Variants in RTN3 observed in about 807,000 individuals in gnomAD.
The protein encoded by RTN3 is reticulon 3.
A neutral mutation model predicts 77.8 loss-of-function variants in RTN3; 49 were observed. The ratio of observed to expected loss-of-function variants is 0.63; its 90% CI spans 0.50 to 0.80. The LOEUF (loss-of-function observed/expected upper bound fraction) is 0.80. Among genes scored for constraint, RTN3 ranks in the 30% least tolerant of loss-of-function variants. RTN3 has a pLI of 0.00. For synonymous variants in RTN3, 464 were observed against 446.9 expected (o/e 1.04, Z -0.48); for missense variants, 1,236 against 1,211.9 (o/e 1.02, Z -0.29).
intron 8 of RTN3, among the ~76,000 whole-genome samples, chr11:63,757,425 T>G: frequency 6.6e-6 from 1 of 152,026 alleles, no homozygotes; most frequent in East Asian, 1.9e-4. Context: ...AGCTGAAAGC[T>G]CACTGCAGCC....
Position 63,717,375 on chromosome 11 carries a change from CTTTTTTTTT to C in RTN3, c.200-1308_200-1300del, listed in dbSNP as rs1187530525. Among the ~76,000 whole-genome samples the C allele has an allele frequency of 3.5e-3, 266 of 75,190 alleles. 4 individuals are homozygous for C. Among genetic ancestry groups the C allele is most frequent in the Non-Finnish European group, 5.2e-3 (197 of 38,064 alleles). The allele number at this position is 75,190 out of a possible 152,430, so 49.3% of individuals were successfully genotyped here. ...AAAGTAATTCTGGAGTTAACTCTGT[CTTTTTTTTT>C]TTTTTTTTTTTTTTTTTTGAGACAG... On this transcript the variant is annotated intron_variant, in intron 2 of 8. Transcript: ENST00000377819.
At chr11:63,705,133 G>C (rs540167940) in intron 2 of RTN3, among the ~76,000 whole-genome samples, 1 of 152,322 alleles carries the variant, frequency 6.6e-6, no homozygotes, top group African/African-American at 2.4e-5. Context: ...AACTTCAGGA[G>C]TAGTTTTGAG....
chr11:63,683,790 A>G (rs1049514269), intron 1 of RTN3, among the ~76,000 whole-genome samples: 37 of 152,244 alleles, frequency 2.4e-4, no homozygotes, highest in African/African-American at 6.7e-4. Flanking sequence ...TCTTTATAAT[A>G]GTGGAAAAGG....
In RTN3 at chr11:63,748,760, C is replaced by T. The variant is rs2013943626; in HGVS notation, c.2531-1231C>T. ...TCGGCTCACTGCAGCCTCCGCTTCC[C>T]GGGTTCAAGCGATTCTCCTACCTCA... On this transcript the variant is annotated intron_variant, in intron 3 of 8. Coordinates refer to ENST00000377819, the MANE Select transcript of RTN3 (RefSeq NM_001265589.2). 4.0e-5 allele frequency among the ~76,000 whole-genome samples: 6 copies of T among 151,044 alleles called. No individual in the cohort carries two copies. The South Asian group carries it at 8.4e-4, about 21-fold the overall frequency.
intron 4 of RTN3, among the ~76,000 whole-genome samples, chr11:63,752,169 T>TA (rs11297692): frequency 0.015 from 2,063 of 134,108 alleles, 23 homozygotes; most frequent in African/African-American, 0.037. Flanking sequence ...TTAAAACTGC[T>TA]AAAAAAAAAA....
rs2011713764 is a variant in RTN3, at chr11:63,720,698, A to G, written c.2196A>G (p.Pro732=). 3 of 1,614,206 alleles carry G rather than the reference A, an allele frequency of 1.9e-6. No homozygotes were observed. In the South Asian group the frequency reaches 3.3e-5, roughly 18 times the overall value. ...GTGTTTTCCCTACCCAAGGTACTCC[A>G]GTAGCATCTCTTGACTTAGAACAAG... ...PLGVFPTQGT[P]VASLDLEQEQ... Residue 732 remains proline, a synonymous_variant, in exon 3 of 9, where the codon CCA becomes CCG. Coordinates refer to ENST00000377819, the MANE Select transcript of RTN3 (RefSeq NM_001265589.2).
intron 3 of RTN3, among the ~76,000 whole-genome samples, chr11:63,746,006 T>C (rs2013772142): frequency 6.6e-6 from 1 of 152,202 alleles, no homozygotes; most frequent in Non-Finnish European, 1.5e-5. Flanking sequence ...AGACAGGGTT[T>C]CGCCATGTTG....
chr11:63,691,194 C>T (rs947318443), intron 1 of RTN3, among the ~76,000 whole-genome samples: 1 of 143,026 alleles, frequency 7.0e-6, no homozygotes, highest in African/African-American at 2.6e-5. Flanking sequence ...GATCTCTGCT[C>T]ACTGCACCAT....
At chr11:63,712,219 G>A (rs1462637440) in intron 2 of RTN3, among the ~76,000 whole-genome samples, 4 of 152,206 alleles carry the variant, frequency 2.6e-5, no homozygotes, top group African/African-American at 9.6e-5. Context: ...GGTGGTTACA[G>A]TTTGCCAATA....
At chr11:63,718,443 G>C (rs996473894) in intron 2 of RTN3, among the ~76,000 whole-genome samples, 11 of 152,108 alleles carry the variant, frequency 7.2e-5, no homozygotes, top group African/African-American at 2.4e-4. Flanking sequence ...TAGACCAAAA[G>C]TATTTGTCAT....
At chr11:63,707,726 C>A (rs372043670) in intron 2 of RTN3, among the ~76,000 whole-genome samples, 2 of 151,868 alleles carry the variant, frequency 1.3e-5, no homozygotes, top group African/African-American at 4.8e-5. Context: ...CCCAGCTACT[C>A]GGGAGGCTGA....
intron 5 of RTN3, 90 bp downstream of exon 5, chr11:63,752,735 C>G (rs1317319547): frequency 1.4e-6 from 2 of 1,387,716 alleles, no homozygotes; most frequent in East Asian, 4.6e-5. Flanking sequence ...AGGATTTTAT[C>G]AGACAAAAAT....
intron 7 of RTN3, among the ~76,000 whole-genome samples, chr11:63,755,811 T>C (rs1265536674): frequency 6.6e-6 from 1 of 151,172 alleles, no homozygotes; most frequent in Non-Finnish European, 1.5e-5. Context: ...TATAAAAAAT[T>C]AGCCAGGCGT....
intron 2 of RTN3, among the ~76,000 whole-genome samples, chr11:63,708,694 G>T (rs944473309): frequency 1.3e-5 from 2 of 152,180 alleles, no homozygotes; most frequent in African/African-American, 4.8e-5. Flanking sequence ...TAGATTTCTA[G>T]TTAGAATGTC....
At chr11:63,756,281 A>G in intron 8 of RTN3, 111 bp downstream of exon 8, 2 of 724,250 alleles carry the variant, frequency 2.8e-6, no homozygotes, top group Non-Finnish European at 2.4e-6. Context: ...TCATTTTGAT[A>G]AAAACCTTAG....
chr11:63,735,893 A>G (rs1449267223), intron 3 of RTN3, among the ~76,000 whole-genome samples: 2 of 152,162 alleles, frequency 1.3e-5, no homozygotes, highest in East Asian at 3.8e-4. Flanking sequence ...TGGAACATTT[A>G]TTTAAAGACA....
intron 4 of RTN3, among the ~76,000 whole-genome samples, chr11:63,751,606 C>T (rs1479855784): frequency 6.6e-6 from 1 of 152,014 alleles, no homozygotes; most frequent in Admixed American, 6.6e-5. Context: ...CTCAGGACTA[C>T]AACAGAATAG....
chr11:63,718,920 G>T lies in RTN3; in HGVS notation c.418G>T (p.Val140Leu). The T allele has an allele frequency of 1.2e-6, 2 of 1,614,188 alleles. No individual in the cohort carries two copies. The highest frequency in any genetic ancestry group is 1.7e-6 in the Non-Finnish European group (2 of 1,180,030). The change falls in exon 3 of 9, where the codon GTA becomes TTA. Residue 140 changes from valine (V) to leucine (L), a missense_variant. This residue lies in a region of RTN3 where 1,056 missense variants were observed against 990.4 expected (regional missense o/e 1.07). Transcript: ENST00000377819. Reference sequence around the variant, plus strand: ...AAAGCCTCAGGGGACCAGCAACAACGTATCAGACTCTTCAGTTTCTCTTGC... The same window carrying T: ...AAAGCCTCAGGGGACCAGCAACAACTTATCAGACTCTTCAGTTTCTCTTGC... ...MEKPQGTSNN[V>L]SDSSVSLAAG...
At chr11:63,715,015 A>G (rs988447377) in intron 2 of RTN3, among the ~76,000 whole-genome samples, 8 of 152,224 alleles carry the variant, frequency 5.3e-5, no homozygotes, top group African/African-American at 1.9e-4. Context: ...GTCCTGCTAA[A>G]GCATAGACAG....
Sources: gnomAD v4.1 joint callset for allele counts (sites outside exome capture counted in the v4.1 genomes callset) on GRCh38, gnomAD v4.1.1 for gene constraint, gnomAD v4.1.1 regional missense constraint, MANE v1.5 for transcripts, NCBI Gene and HGNC (gene_info 2026-07-23, HGNC 2026-07-21) for gene names.